The following SCAF1 variants were observed in gnomAD, a reference collection of about 807,000 sequenced individuals.
SCAF1 encodes splicing factor, arginine/serine-rich 19.
In SCAF1, 28 loss-of-function variants were observed where a neutral mutation model predicts 91.2. The ratio of observed to expected loss-of-function variants is 0.31; its 90% CI spans 0.23 to 0.42. The LOEUF (loss-of-function observed/expected upper bound fraction) is 0.42, where lower values mean the gene tolerates loss of function less well. Ranked by LOEUF, SCAF1 falls within the 10% of genes least tolerant of loss-of-function variation. The probability of loss-of-function intolerance (pLI) is 1.00; values close to 1 mark genes in which losing one functional copy is unlikely to be tolerated. For missense variants in SCAF1, 1,893 were observed against 1,872.1 expected (o/e 1.01, Z -0.21); for synonymous variants, 1,036 against 833.7 (o/e 1.24, Z -4.18).
In SCAF1 at chr19:49,645,422, T is replaced by C. The variant is rs1474218528; in HGVS notation, c.166+11T>C. ...TGCCCAATGATAAAGGTATGGCGGC[T>C]TCCGGTTCCTTTTAGCCCCTGCCCC... On this transcript the variant is annotated intron_variant, in intron 3 of 10. Coordinates refer to ENST00000360565, the MANE Select transcript of SCAF1 (RefSeq NM_021228.3). This position sits in a 1 kb window ranked among gnomAD's most constrained non-coding sequence, Gnocchi z 4.6. 1 of 1,612,144 alleles carries C rather than the reference T, an allele frequency of 6.2e-7. No individual in the cohort carries two copies.
At position 49,642,762 on chromosome 19, in the gene SCAF1, G is replaced by C. The variant is rs2081034455; in HGVS notation, c.-7+520G>C. On this transcript the variant is annotated intron_variant, in intron 1 of 10. Transcript: ENST00000360565. This position sits in a 1 kb window ranked among gnomAD's most constrained non-coding sequence, Gnocchi z 4.0. ...ATGGGCTGGCCTGAGGATGCAACTG[G>C]TCTGCATAAGTCTGGGGCCATTTAT... The C allele has an allele frequency of 6.6e-6, 1 of 152,376 alleles. No individual in the cohort carries two copies. Among genetic ancestry groups the C allele is most frequent in the South Asian group, 2.1e-4 (1 of 4,832 alleles). 9.4% of individuals were successfully genotyped at this position (152,376 alleles called of 1,614,324 possible). A position where few individuals can be genotyped will look rare whatever the true frequency, so the allele number is the denominator to read the frequency against.
intron 9 of SCAF1, among the ~76,000 whole-genome samples, chr19:49,655,078 TCTGTGCGTGTGTGGGG>T: frequency 6.6e-6 from 1 of 152,158 alleles, no homozygotes; most frequent in East Asian, 1.9e-4. Flanking sequence ...GAAAATCGCG[TCTGTGCGTGTGTGGGG>T]CTGTGTGCGT....
At chr19:49,657,112 C>T (rs1295562758) in intron 9 of SCAF1, among the ~76,000 whole-genome samples, 1 of 152,130 alleles carries the variant, frequency 6.6e-6, no homozygotes, top group Non-Finnish European at 1.5e-5. Context: ...AGTGATTGTG[C>T]CACTGCACTC....
Position 49,651,194 on chromosome 19 carries a change from G to A in SCAF1, c.805G>A (p.Glu269Lys). Residue 269 changes from glutamate (E) to lysine (K), a missense_variant, in exon 7 of 11, where the codon GAG (glutamate) becomes AAG (lysine). By Grantham distance (56) the Glu-to-Lys change is moderately conservative. Coordinates refer to ENST00000360565, the MANE Select transcript of SCAF1 (RefSeq NM_021228.3). Reference sequence around the variant, plus strand: ...ATCAGCGGGGACCCCCTCACCTGAGGAGGAAGAGGAGGAGGAAGAGGAAGA... The same window carrying A: ...ATCAGCGGGGACCCCCTCACCTGAGAAGGAAGAGGAGGAGGAAGAGGAAGA... ...SSSAGTPSPE[E>K]EEEEEEEEEE... The A allele has an allele frequency of 6.2e-7, 1 of 1,613,044 alleles. No homozygotes were observed. The highest frequency in any genetic ancestry group is 8.5e-7 in the Non-Finnish European group (1 of 1,179,570).
In SCAF1 at chr19:49,654,867, TA is replaced by T; in HGVS notation, c.3617del (p.Lys1206SerfsTer3). ...SSSEGRGDTDKYLKKLHTQER... is the reference protein window; with the variant it reads ...SSSEGRGDTDXYLKKLHTQER... The stretch of plus-strand genomic sequence containing the variant: ...GCTCTGAGGGCCGTGGGGACACAGA[TA>T]AGGTGAGCTGGCCTGGGGAGAGGTG... On this transcript the variant is annotated frameshift_variant and splice_region_variant, in exon 9 of 11. Coordinates refer to ENST00000360565, the MANE Select transcript of SCAF1 (RefSeq NM_021228.3). LOFTEE classifies it high-confidence loss of function. 6.3e-7 allele frequency: 1 copy of T among 1,587,140 alleles called. No individual in the cohort carries two copies.
At position 49,652,181 on chromosome 19, in the gene SCAF1, C is replaced by T. The variant is rs2081099665; in HGVS notation, c.1792C>T (p.Arg598Cys). ...CACCGACCGCCGCCGCGGGGGCAGC[C>T]GCAGGTCGCGGTCCCGGGAGAAGCG... ...RSTDRRRGGSRRSRSREKRRR... is the reference protein window; with the variant it reads ...RSTDRRRGGSCRSRSREKRRR... Residue 598 changes from arginine (R) to cysteine (C), a missense_variant, in exon 7 of 11, where the codon CGC becomes TGC. Transcript: ENST00000360565. The T allele has an allele frequency of 2.5e-6, 3 of 1,209,840 alleles. No homozygotes were observed. The highest frequency in any genetic ancestry group is 3.1e-6 in the Non-Finnish European group (3 of 971,570). The allele number at this position is 1,209,840 out of a possible 1,614,324, so 74.9% of individuals were successfully genotyped here.
At position 49,652,512 on chromosome 19, in the gene SCAF1, G is replaced by A. The variant is rs1364438026; in HGVS notation, c.2123G>A (p.Gly708Asp). 1.9e-6 allele frequency: 3 copies of A among 1,576,926 alleles called. No individual in the cohort carries two copies. Among genetic ancestry groups the A allele is most frequent in the African/African-American group, 1.4e-5 (1 of 74,006 alleles). ...GCCATCAAGCGGACCATCACGGTGG[G>A]CCGGCTTGACAAGTCCGACCCCCGA... ...LFAIKRTITV[G>D]RLDKSDPRGP... Residue 708 changes from glycine to aspartate, a missense_variant, in exon 7 of 11, where the codon GGC (glycine) becomes GAC (aspartate). Physicochemically the swap from Gly to Asp is moderately conservative, Grantham distance 94 (BLOSUM62 -1). This residue lies in a region of SCAF1 where 1,436 missense variants were observed against 1,306.8 expected (regional missense o/e 1.10). Transcript: ENST00000360565.
chr19:49,656,920 C>T (rs1029590493), intron 9 of SCAF1, among the ~76,000 whole-genome samples: 3 of 152,182 alleles, frequency 2.0e-5, no homozygotes, highest in Non-Finnish European at 2.9e-5. Flanking sequence ...TTCGCAAGGC[C>T]GAGGCGGGTG....
Position 49,651,946 on chromosome 19 carries a change from C to T in SCAF1, c.1557C>T (p.Ser519=), listed in dbSNP as rs2081095130. ...AAAGPPTRKK[S]RRERKRSGEA... ...CTGGTCCGCCCACGCGCAAGAAGTC[C>T]AGGCGGGAACGCAAGCGCAGCGGCG... Residue 519 remains serine (S), a synonymous_variant, in exon 7 of 11, where the codon TCC becomes TCT. Coordinates refer to ENST00000360565, the MANE Select transcript of SCAF1 (RefSeq NM_021228.3). 2.5e-6 allele frequency: 3 copies of T among 1,197,150 alleles called. No individual in the cohort carries two copies. Among genetic ancestry groups the T allele is most frequent in the East Asian group, 1.1e-4 (2 of 17,520 alleles). The allele number at this position is 1,197,150 out of a possible 1,614,324, so 74.2% of individuals were successfully genotyped here. A position where few individuals can be genotyped will look rare whatever the true frequency, so the allele number is the denominator to read the frequency against.
chr19:49,654,970 G>A (rs2081130403), intron 9 of SCAF1, 100 bp downstream of exon 9: 2 of 980,792 alleles, frequency 2.0e-6, no homozygotes, highest in Non-Finnish European at 1.5e-6. Context: ...GGAGACTGAG[G>A]CAGGGAGACA....
Position 49,653,121 on chromosome 19 carries a change from C to G in SCAF1, c.2732C>G (p.Thr911Ser). 1.2e-6 allele frequency: 2 copies of G among 1,610,782 alleles called. No homozygotes were observed. Among genetic ancestry groups the G allele is most frequent in the South Asian group, 1.1e-5 (1 of 90,714 alleles). Residue 911 changes from threonine (T) to serine (S), a missense_variant, in exon 7 of 11, where the codon ACC becomes AGC. Coordinates refer to ENST00000360565, the MANE Select transcript of SCAF1 (RefSeq NM_021228.3). The stretch of plus-strand genomic sequence containing the variant: ...AAGGCCAAGGCAGGGGCCAAGAAAA[C>G]CAAGGGGACCAAGGGAAAGACCAAG... Reference protein sequence around the residue: ...KVKAKAGAKKTKGTKGKTKPS... With the variant: ...KVKAKAGAKKSKGTKGKTKPS...
At chr19:49,644,427 TG>T (rs2081043198) in intron 1 of SCAF1, among the ~76,000 whole-genome samples, 1 of 152,222 alleles carries the variant, frequency 6.6e-6, no homozygotes, top group African/African-American at 2.4e-5. Context: ...ATTTTAAAAA[TG>T]GCATACTGGT....
At chr19:49,644,027 T>C (rs770447322) in intron 1 of SCAF1, among the ~76,000 whole-genome samples, 1 of 152,216 alleles carries the variant, frequency 6.6e-6, no homozygotes, top group Non-Finnish European at 1.5e-5. Context: ...TATTGAGCAC[T>C]TGAGGTGCTC....
Position 49,646,650 on chromosome 19 carries a change from G to T in SCAF1, c.362+24G>T, listed in dbSNP as rs1346883729. ...GAGTGAGTAGCTGGGCAGCTGGAGT[G>T]GGAGAGGCCTCAGCGTGAGAGCCAG... is the stretch of plus-strand genomic sequence containing the variant. On this transcript the variant is annotated intron_variant, in intron 5 of 10. Transcript: ENST00000360565. The surrounding 1 kb of genome is among the most constrained non-coding windows in gnomAD (Gnocchi z 5.6). 6.2e-7 allele frequency: 1 copy of T among 1,613,350 alleles called. No individual in the cohort carries two copies.
chr19:49,651,518 G>T lies in SCAF1; in HGVS notation c.1129G>T (p.Ala377Ser). The T allele has an allele frequency of 6.4e-7, 1 of 1,570,856 alleles. No homozygotes were observed. The highest frequency in any genetic ancestry group is 8.6e-7 in the Non-Finnish European group (1 of 1,160,728). ...VSVEVVTAGG[A>S]ALPPPLLPPG... is the part of the protein sequence containing the mutation. ...GGTGGAGGTGGTGACCGCTGGTGGA[G>T]CCGCCCTCCCGCCGCCCCTGCTGCC... Residue 377 changes from alanine (A) to serine (S), a missense_variant, in exon 7 of 11, where the codon GCC (alanine) becomes TCC (serine). Ala to Ser is a moderately conservative substitution (Grantham distance 99). Around this residue, in one of 5 missense-constraint regions of SCAF1, gnomAD observed 1,436 missense variants for 1,306.8 expected, o/e 1.10. Transcript: ENST00000360565.
chr19:49,658,520 G>C lies in SCAF1; in HGVS notation c.*121G>C. On this transcript the variant is annotated 3_prime_UTR_variant, in exon 11 of 11. Coordinates refer to ENST00000360565, the MANE Select transcript of SCAF1 (RefSeq NM_021228.3). The stretch of plus-strand genomic sequence containing the variant: ...TGGGGGAGGGTTGCTGCAGGGAAGA[G>C]GAGAGCCCCCTGCCCTGCCCTGCCC... The C allele has an allele frequency of 1.5e-6, 1 of 651,178 alleles. No individual in the cohort carries two copies. The highest frequency in any genetic ancestry group is 1.9e-5 in the South Asian group (1 of 53,280). 40.3% of individuals were successfully genotyped at this position (651,178 alleles called of 1,614,324 possible).
chr19:49,651,709 C>G lies in SCAF1; in HGVS notation c.1320C>G (p.Ala440=), dbSNP rs778122478. 3.6e-6 allele frequency: 5 copies of G among 1,382,854 alleles called. No individual in the cohort carries two copies. Among genetic ancestry groups the G allele is most frequent in the Admixed American group, 3.8e-5 (1 of 26,560 alleles). The allele number at this position is 1,382,854 out of a possible 1,614,324, so 85.7% of individuals were successfully genotyped here. A position where few individuals can be genotyped will look rare whatever the true frequency, so the allele number is the denominator to read the frequency against. The change falls in exon 7 of 11, where the codon GCC becomes GCG. Residue 440 remains alanine (A), a synonymous_variant. Transcript: ENST00000360565. ...TTCCTCAGCCTCCCGCTCCGCGGGC[C>G]CCCGAGGGGGACGACTTCTTGTCCC... ...QPLPQPPAPR[A]PEGDDFLSLH... is the part of the protein sequence containing the mutation.
Position 49,645,057 on chromosome 19 carries a change from A to T in SCAF1, c.31A>T (p.Thr11Ser). The T allele has an allele frequency of 6.2e-7, 1 of 1,614,110 alleles. No individual in the cohort carries two copies. Among genetic ancestry groups the T allele is most frequent in the East Asian group, 2.2e-5 (1 of 44,882 alleles). Reference sequence around the variant, plus strand: ...GGAAGAAGATGAGTCTCGAGGGAAGACAGAGGAGTCGGGGGAGGATCGGGG... The same window carrying T: ...GGAAGAAGATGAGTCTCGAGGGAAGTCAGAGGAGTCGGGGGAGGATCGGGG... MEEEDESRGK[T>S]EESGEDRGDG... Residue 11 changes from threonine (T) to serine (S), a missense_variant, in exon 2 of 11, where the codon ACA becomes TCA. By Grantham distance (58) the Thr-to-Ser change is moderately conservative (BLOSUM62 1). Around this residue, in one of 5 missense-constraint regions of SCAF1, gnomAD observed 270 missense variants for 292.5 expected, o/e 0.92. Transcript: ENST00000360565. This position sits in a 1 kb window ranked among gnomAD's most constrained non-coding sequence, Gnocchi z 4.6.
chr19:49,654,294 C>T, intron 7 of SCAF1, 55 bp from the exon 8 acceptor site: 7 of 1,500,622 alleles, frequency 4.7e-6, no homozygotes, highest in Non-Finnish European at 6.5e-6. Flanking sequence ...GGTTCACCAG[C>T]TCCTGTCCTG....
Sources: allele counts gnomAD v4.1 joint callset (sites outside exome capture counted in the v4.1 genomes callset), GRCh38; gene constraint gnomAD v4.1.1; regional missense constraint gnomAD v4.1.1; non-coding constraint Gnocchi (gnomAD v3.1); transcripts MANE v1.5; gene names NCBI Gene and HGNC (gene_info 2026-07-23, HGNC 2026-07-21).